PCDHA1: variants seen among roughly 807,000 people sequenced by gnomAD.
The protein encoded by PCDHA1 is protocadherin alpha-1.
Under a neutral mutation model 61.3 loss-of-function variants are expected in PCDHA1, and 42 were observed. That is an observed-to-expected ratio of 0.69 (90% confidence interval 0.54 to 0.89). PCDHA1 has a LOEUF of 0.89. Among genes scored for constraint, PCDHA1 ranks in the 40% least tolerant of loss-of-function variants. The pLI is 0.00. For missense variants in PCDHA1, 1,256 were observed against 1,235.3 expected (o/e 1.02, Z -0.25); for synonymous variants, 610 against 553.8 (o/e 1.10, Z -1.43).
intron 1 of PCDHA1, among the ~76,000 whole-genome samples, chr5:140,898,250 A>T (rs2066615127): frequency 6.6e-6 from 1 of 152,210 alleles, no homozygotes; most frequent in South Asian, 2.1e-4. Flanking sequence ...TGTTTTAGAC[A>T]TGAAGTCCTT....
intron 1 of PCDHA1, among the ~76,000 whole-genome samples, chr5:140,901,405 G>C (rs1366026091): frequency 6.6e-6 from 1 of 152,128 alleles, no homozygotes; most frequent in Non-Finnish European, 1.5e-5. Context: ...TGAGAGATAG[G>C]GGTCTAGTTT....
chr5:140,847,431 G>C (rs1781013253), intron 1 of PCDHA1: 1 of 149,628 alleles, frequency 6.7e-6, no homozygotes, highest in South Asian at 2.1e-4. Flanking sequence ...CTTTAGACTT[G>C]AGATACACTA....
In PCDHA1 at chr5:140,795,494, T is replaced by A. The variant is rs370399359; in HGVS notation, c.2394+6810T>A. 141 of 1,613,952 alleles carry A rather than the reference T, an allele frequency of 8.7e-5. No individual in the cohort carries two copies. Among genetic ancestry groups the A allele is most frequent in the Non-Finnish European group, 1.2e-4 (138 of 1,180,022 alleles). ...TCCTACAAGCTCAGCTCCAGTGAGT[T>A]TTTCTTCCTAGATATACAGGCAAAT... On this transcript the variant is annotated intron_variant, in intron 1 of 3. Coordinates refer to ENST00000504120, the MANE Select transcript of PCDHA1 (RefSeq NM_018900.4).
chr5:140,882,985 C>T (rs1554176359), intron 1 of PCDHA1: 14 of 1,614,110 alleles, frequency 8.7e-6, no homozygotes, highest in Non-Finnish European at 1.1e-5. Flanking sequence ...ATGACAACGC[C>T]CCGGAATTTT....
At chr5:140,877,549 C>T in intron 1 of PCDHA1, 1 of 1,613,788 alleles carries the variant, frequency 6.2e-7, no homozygotes, top group Non-Finnish European at 8.5e-7. Flanking sequence ...CGAAGCGGCT[C>T]TGGTGGATAT....
intron 1 of PCDHA1, chr5:140,824,610 G>GGTTTTTTTTT (rs1768189767): frequency 1.1e-5 from 1 of 95,104 alleles, no homozygotes; most frequent in African/African-American, 4.9e-5. Context: ...GCTAATTAAA[G>GGTTTTTTTTT]TTTTTTTTTT....
intron 1 of PCDHA1, among the ~76,000 whole-genome samples, chr5:140,820,111 G>A (rs1766687822): frequency 6.6e-6 from 1 of 151,836 alleles, no homozygotes; most frequent in South Asian, 2.1e-4. Context: ...ATTTTCTTAT[G>A]TTTTTAACCA....
At chr5:140,980,615 C>T (rs1182621837) in intron 2 of PCDHA1, among the ~76,000 whole-genome samples, 4 of 151,596 alleles carry the variant, frequency 2.6e-5, no homozygotes, top group Admixed American at 6.6e-5. Flanking sequence ...GGCGACAGTG[C>T]GAGACTCTGT....
intron 1 of PCDHA1, chr5:140,823,059 C>T (rs2150121787): frequency 6.2e-7 from 1 of 1,614,128 alleles, no homozygotes; most frequent in Non-Finnish European, 8.5e-7. Context: ...CCGCGCGGGA[C>T]GGGGGCTCGC....
intron 1 of PCDHA1, among the ~76,000 whole-genome samples, chr5:140,820,465 G>C (rs1766763735): frequency 6.6e-6 from 1 of 151,906 alleles, no homozygotes; most frequent in African/African-American, 2.4e-5. Context: ...GTCTTCACAG[G>C]TAAGGGATAT....
At chr5:140,877,299 C>T in intron 1 of PCDHA1, 1 of 1,613,922 alleles carries the variant, frequency 6.2e-7, no homozygotes. Flanking sequence ...GGCTGTCCTA[C>T]GAGTTGCAAC....
chr5:140,790,123 GA>G (rs1427173292), intron 1 of PCDHA1, among the ~76,000 whole-genome samples: 3 of 152,124 alleles, frequency 2.0e-5, no homozygotes, highest in African/African-American at 7.2e-5. Flanking sequence ...CTTCAAGAGA[GA>G]AAAAATAGCC....
At chr5:140,875,995 A>AATGAGAATTTTG (rs1554168162) in intron 1 of PCDHA1, 7 of 1,613,958 alleles carry the variant, frequency 4.3e-6, no homozygotes, top group Non-Finnish European at 5.9e-6. Context: ...GTTAAGTCTA[A>AATGAGAATTTTG]ATGAGAATTT....
chr5:140,882,323 C>G, intron 1 of PCDHA1: 1 of 1,614,216 alleles, frequency 6.2e-7, no homozygotes, highest in African/African-American at 1.3e-5. Context: ...GCTCTGGCTT[C>G]TGATCCTCGC....
At chr5:140,853,228 T>C (rs2042677094) in intron 1 of PCDHA1, 2 of 982,222 alleles carry the variant, frequency 2.0e-6, no homozygotes, top group Non-Finnish European at 2.5e-6. Flanking sequence ...ATTGGTAATT[T>C]AGTCCTTCAT....
At chr5:140,951,589 C>A (rs2094605772) in intron 1 of PCDHA1, among the ~76,000 whole-genome samples, 1 of 152,088 alleles carries the variant, frequency 6.6e-6, no homozygotes, top group Admixed American at 6.5e-5. Flanking sequence ...TTCACGAGAT[C>A]TCTCTCACTG....
intron 1 of PCDHA1, chr5:140,808,992 G>C (rs782057126): frequency 1.2e-6 from 2 of 1,613,698 alleles, no homozygotes; most frequent in Admixed American, 1.7e-5. Context: ...GCTGACTCGG[G>C]CTACAACGCG....
chr5:140,954,830 T>TG (rs2095095109), intron 1 of PCDHA1, among the ~76,000 whole-genome samples: 1 of 152,220 alleles, frequency 6.6e-6, no homozygotes, highest in Admixed American at 6.5e-5. Flanking sequence ...GGCACTTTTG[T>TG]CATGAAATCT....
At chr5:140,853,330 G>A in intron 1 of PCDHA1, 1 of 984,768 alleles carries the variant, frequency 1.0e-6, no homozygotes, top group South Asian at 4.7e-5. Flanking sequence ...TTTATCTTTT[G>A]AGGTCATTAG....
Sources: allele counts gnomAD v4.1 joint callset (sites outside exome capture counted in the v4.1 genomes callset), GRCh38; gene constraint gnomAD v4.1.1; transcripts MANE v1.5; gene names NCBI Gene and HGNC (gene_info 2026-07-23, HGNC 2026-07-21).